The following CDH13 variants were observed in gnomAD, a reference collection of about 807,000 sequenced individuals.
CDH13 encodes cadherin 13.
Under a neutral mutation model 63.8 loss-of-function variants are expected in CDH13, and 24 were observed. That is an observed-to-expected ratio of 0.38 (90% CI 0.27 to 0.53). The LOEUF (loss-of-function observed/expected upper bound fraction) is 0.53, where lower values mean the gene tolerates loss of function less well. CDH13 is among the 20% of genes least tolerant of loss of function. The pLI, the probability that CDH13 is intolerant of heterozygous loss-of-function variation, is 0.85. For synonymous variants in CDH13, 503 were observed against 355.3 expected (o/e 1.42, Z -4.67); for missense variants, 1,049 against 903.1 (o/e 1.16, Z -2.07).
chr16:82,863,704 C>T (rs1200762956), intron 2 of CDH13, among the ~76,000 whole-genome samples: 3 of 152,110 alleles, frequency 2.0e-5, no homozygotes, highest in Non-Finnish European at 4.4e-5. Flanking sequence ...TCATTACTTT[C>T]ATTCATAGAC....
chr16:82,901,366 G>C (rs866388796), intron 2 of CDH13, among the ~76,000 whole-genome samples: 1 of 141,810 alleles, frequency 7.1e-6, no homozygotes, highest in African/African-American at 2.6e-5. Flanking sequence ...GTGTGTGTGT[G>C]TCTGATGATT....
chr16:83,579,370 A>C (rs1043340333), intron 7 of CDH13, among the ~76,000 whole-genome samples: 1 of 152,184 alleles, frequency 6.6e-6, no homozygotes, highest in Non-Finnish European at 1.5e-5. Flanking sequence ...TCACAGTTCC[A>C]CAGGCTGTAC....
intron 3 of CDH13, among the ~76,000 whole-genome samples, chr16:83,093,670 G>C (rs1332079591): frequency 3.9e-5 from 6 of 152,140 alleles, no homozygotes; most frequent in Non-Finnish European, 7.3e-5. Flanking sequence ...ATGGGAATCA[G>C]TTCAAAGCAC....
chr16:82,913,215 G>A (rs1405876067), intron 2 of CDH13, among the ~76,000 whole-genome samples: 1 of 152,144 alleles, frequency 6.6e-6, no homozygotes, highest in African/African-American at 2.4e-5. Context: ...AAAATGAATT[G>A]GAGTTTACCT....
chr16:83,009,978 A>G (rs1377189631), intron 2 of CDH13, among the ~76,000 whole-genome samples: 1 of 151,958 alleles, frequency 6.6e-6, no homozygotes, highest in African/African-American at 2.4e-5. Context: ...TACTAAAAAT[A>G]CAAAAAATTA....
In CDH13 at chr16:82,952,215, G is replaced by T. The variant is rs138113352; in HGVS notation, c.158-79795G>T. On this transcript the variant is annotated intron_variant, in intron 2 of 13. Coordinates refer to ENST00000567109, the MANE Select transcript of CDH13 (RefSeq NM_001257.5). ...AGAACGTGGGTGCTGCCCGAGAAGC[G>T]CATGGGCCTGAGTTCAAGTGCCACT... is the stretch of plus-strand genomic sequence containing the variant. Among the ~76,000 whole-genome samples the T allele has an allele frequency of 6.6e-4, 100 of 152,280 alleles. No homozygotes were observed. In the East Asian group the frequency reaches 9.5e-3, roughly 14 times the overall value.
chr16:83,739,144 C>T (rs1308431269), intron 10 of CDH13, among the ~76,000 whole-genome samples: 1 of 152,154 alleles, frequency 6.6e-6, no homozygotes, highest in Non-Finnish European at 1.5e-5. Flanking sequence ...GAGTGACTCA[C>T]TGCACCTAAA....
intron 2 of CDH13, among the ~76,000 whole-genome samples, chr16:82,865,522 T>C (rs567300202): frequency 6.6e-6 from 1 of 152,334 alleles, no homozygotes; most frequent in East Asian, 1.9e-4. Flanking sequence ...AACAATAGCC[T>C]GAACTGTATT....
At chr16:83,046,779 G>A (rs1917824754) in intron 3 of CDH13, among the ~76,000 whole-genome samples, 1 of 152,186 alleles carries the variant, frequency 6.6e-6, no homozygotes, top group Admixed American at 6.5e-5. Context: ...GTTGGCCTGA[G>A]ATTGTTGCTC....
rs2091888669 is a variant in CDH13 at position 83,396,482 on chromosome 16, C to G, written c.781+51476C>G. ...CTTTCCTCTCTGTTGCCTGGCTGAC[C>G]TCCTTCCTTTAAAACCCTTCTCCTC... On this transcript the variant is annotated intron_variant, in intron 6 of 13. Coordinates refer to ENST00000567109, the MANE Select transcript of CDH13 (RefSeq NM_001257.5). The G allele has an allele frequency of 2.0e-5, 3 of 152,140 alleles. No individual in the cohort carries two copies. In the South Asian group the frequency reaches 6.2e-4, roughly 32 times the overall value. The allele number at this position is 152,140 out of a possible 1,614,324, so 9.4% of individuals were successfully genotyped here.
At chr16:82,756,362 T>C (rs554289468) in intron 1 of CDH13, among the ~76,000 whole-genome samples, 11 of 146,258 alleles carry the variant, frequency 7.5e-5, no homozygotes, top group South Asian at 4.2e-4. Context: ...ATAGTAATGA[T>C]AATAATAGTA....
At chr16:82,987,760 A>G (rs1230526626) in intron 2 of CDH13, among the ~76,000 whole-genome samples, 1 of 152,204 alleles carries the variant, frequency 6.6e-6, no homozygotes, top group Non-Finnish European at 1.5e-5. Flanking sequence ...CATGCAAGGA[A>G]TTCCCTATGG....
intron 2 of CDH13, among the ~76,000 whole-genome samples, chr16:83,029,194 G>A (rs1916084656): frequency 1.3e-5 from 2 of 152,130 alleles, no homozygotes; most frequent in Admixed American, 6.5e-5. Flanking sequence ...ATCACCCTAA[G>A]TATCATCTTC....
chr16:82,736,854 C>A (rs1349344000), intron 1 of CDH13, among the ~76,000 whole-genome samples: 2 of 152,156 alleles, frequency 1.3e-5, no homozygotes, highest in Non-Finnish European at 2.9e-5. Flanking sequence ...GGTCAGATGG[C>A]CTCTCTTGGT....
intron 1 of CDH13, among the ~76,000 whole-genome samples, chr16:82,849,644 A>T (rs1483457798): frequency 1.3e-5 from 2 of 152,246 alleles, no homozygotes; most frequent in African/African-American, 4.8e-5. Context: ...TGGTTAAAAC[A>T]TTCTTATACT....
chr16:82,723,028 A>G lies in CDH13; in HGVS notation c.45+95891A>G, dbSNP rs150032066. 1.6e-3 allele frequency: 240 copies of G among 152,318 alleles called. 1 individual carries two copies. The highest frequency in any genetic ancestry group is 5.5e-3 in the African/African-American group (229 of 41,566). 9.4% of individuals were successfully genotyped at this position (152,318 alleles called of 1,614,324 possible). A position where few individuals can be genotyped will look rare whatever the true frequency, so the allele number is the denominator to read the frequency against. ...TCTTGTCCCCTAATACAGGGCCAAG[A>G]TGTCTAAAGTTGACCTTCAGTCTAG... On this transcript the variant is annotated intron_variant, in intron 1 of 13. Transcript: ENST00000567109.
intron 6 of CDH13, among the ~76,000 whole-genome samples, chr16:83,467,351 C>T (rs1374547859): frequency 3.3e-5 from 5 of 152,046 alleles, no homozygotes; most frequent in Non-Finnish European, 7.4e-5. Flanking sequence ...CCTGTAAATC[C>T]AGCAAGCCCA....
intron 3 of CDH13, among the ~76,000 whole-genome samples, chr16:83,075,109 C>A (rs371587250): frequency 6.6e-6 from 1 of 152,188 alleles, no homozygotes; most frequent in Non-Finnish European, 1.5e-5. Context: ...ATGTTTCTCA[C>A]TGTCTCTTAG....
chr16:83,135,230 T>C (rs1194937154), intron 4 of CDH13, among the ~76,000 whole-genome samples: 1 of 152,164 alleles, frequency 6.6e-6, no homozygotes, highest in Non-Finnish European at 1.5e-5. Context: ...TTAAGAGAGA[T>C]TAAGTAACTT....
Sources: gnomAD v4.1 joint callset for allele counts (sites outside exome capture counted in the v4.1 genomes callset) on GRCh38, gnomAD v4.1.1 for gene constraint, MANE v1.5 for transcripts, NCBI Gene and HGNC (gene_info 2026-07-23, HGNC 2026-07-21) for gene names.